The following KIF5C variants were observed in gnomAD, a reference collection of about 807,000 sequenced individuals.
KIF5C encodes kinesin heavy chain isoform 5C.
A neutral mutation model predicts 125.2 loss-of-function variants in KIF5C; 18 were observed. The observed-to-expected ratio is 0.14, with a 90% CI of 0.10 to 0.21. The LOEUF (loss-of-function observed/expected upper bound fraction) is 0.21, where lower values mean the gene tolerates loss of function less well. KIF5C is among the 10% of genes least tolerant of loss of function. The pLI is 1.00. For synonymous variants in KIF5C, 405 were observed against 434.0 expected (o/e 0.93, Z 0.83); for missense variants, 780 against 1,183.8 (o/e 0.66, Z 5.01).
chr2:148,887,865 C>G (rs1355029692), intron 1 of KIF5C, among the ~76,000 whole-genome samples: 1 of 151,960 alleles, frequency 6.6e-6, no homozygotes. Flanking sequence ...TTCTCCGTAG[C>G]TGCTTTACAT....
intron 4 of KIF5C, among the ~76,000 whole-genome samples, chr2:148,940,671 C>T (rs1287687934): frequency 6.6e-6 from 1 of 152,172 alleles, no homozygotes. Context: ...ATTTCAAAAG[C>T]ACTTATGAAC....
At chr2:148,916,794 T>C (rs1315712108) in intron 1 of KIF5C, among the ~76,000 whole-genome samples, 1 of 152,160 alleles carries the variant, frequency 6.6e-6, no homozygotes, top group African/African-American at 2.4e-5. Context: ...ATTGTTTCCT[T>C]GACGTTTGGA....
chr2:148,930,142 C>G (rs751794778), intron 3 of KIF5C, among the ~76,000 whole-genome samples: 4 of 152,174 alleles, frequency 2.6e-5, no homozygotes, highest in Non-Finnish European at 5.9e-5. Context: ...CCACTTCATG[C>G]ACACTGGGGT....
chr2:148,903,011 G>A (rs542063596), intron 1 of KIF5C, among the ~76,000 whole-genome samples: 1 of 152,206 alleles, frequency 6.6e-6, no homozygotes, highest in Non-Finnish European at 1.5e-5. Flanking sequence ...TGGGTTGAGA[G>A]GGATTGTAAG....
intron 6 of KIF5C, 52 bp downstream of exon 6, chr2:148,942,042 CATA>C (rs1682421993): frequency 6.3e-7 from 1 of 1,584,482 alleles, no homozygotes; most frequent in African/African-American, 1.3e-5. Flanking sequence ...CAGTCTCTGT[CATA>C]ATAATTATTA....
chr2:148,943,371 G>A (rs1207917373), intron 7 of KIF5C, among the ~76,000 whole-genome samples: 1 of 152,116 alleles, frequency 6.6e-6, no homozygotes, highest in Non-Finnish European at 1.5e-5. Flanking sequence ...TATGGGATTT[G>A]GGCAGCAGAG....
At chr2:148,958,290 C>T (rs1481200504) in intron 10 of KIF5C, among the ~76,000 whole-genome samples, 1 of 152,154 alleles carries the variant, frequency 6.6e-6, no homozygotes, top group African/African-American at 2.4e-5. Context: ...TAATAATTCA[C>T]ACTCTCTCCA....
At chr2:149,011,027 C>T (rs1182262431) in intron 24 of KIF5C, among the ~76,000 whole-genome samples, 1 of 149,954 alleles carries the variant, frequency 6.7e-6, no homozygotes, top group African/African-American at 2.5e-5. Context: ...TAAATTGAAA[C>T]ATCTCCAATA....
intron 4 of KIF5C, among the ~76,000 whole-genome samples, chr2:148,939,427 A>G (rs1361709885): frequency 1.3e-5 from 2 of 152,234 alleles, no homozygotes; most frequent in Non-Finnish European, 2.9e-5. Flanking sequence ...TTAGAAGCTT[A>G]GTGCTTCTTT....
intron 3 of KIF5C, among the ~76,000 whole-genome samples, chr2:148,937,059 A>G (rs1682306693): frequency 6.6e-6 from 1 of 152,214 alleles, no homozygotes. Flanking sequence ...AGAACTTGGC[A>G]GAACAAGTGC....
At chr2:148,972,199 C>T (rs147387283) in intron 11 of KIF5C, among the ~76,000 whole-genome samples, 2 of 152,266 alleles carry the variant, frequency 1.3e-5, no homozygotes, top group Non-Finnish European at 1.5e-5. Flanking sequence ...GTTATCTGCT[C>T]GTCTTGGCCT....
intron 3 of KIF5C, among the ~76,000 whole-genome samples, chr2:148,930,770 C>T (rs1682161979): frequency 6.6e-6 from 1 of 152,158 alleles, no homozygotes; most frequent in Non-Finnish European, 1.5e-5. Flanking sequence ...TTAAAGGAAG[C>T]ATGAGGTTTA....
chr2:148,913,084 A>AT (rs1681405243), intron 1 of KIF5C, among the ~76,000 whole-genome samples: 1 of 152,184 alleles, frequency 6.6e-6, no homozygotes, highest in Admixed American at 6.5e-5. Flanking sequence ...TTTGTGGAAC[A>AT]TTTTCCTTGT....
intron 3 of KIF5C, 152 bp from the exon 4 acceptor site, chr2:148,937,132 A>G (rs1035281244): frequency 1.9e-5 from 22 of 1,130,160 alleles, no homozygotes; most frequent in African/African-American, 1.9e-4. Context: ...TCTGTTGGCA[A>G]GTCAGGTAGA....
At chr2:148,952,191 T>C (rs1410164487) in intron 10 of KIF5C, among the ~76,000 whole-genome samples, 2 of 152,128 alleles carry the variant, frequency 1.3e-5, no homozygotes, top group African/African-American at 4.8e-5. Context: ...GTCTTAAACT[T>C]GAGCTTTAAC....
chr2:148,970,452 T>C (rs1397498020), intron 11 of KIF5C, among the ~76,000 whole-genome samples: 1 of 152,242 alleles, frequency 6.6e-6, no homozygotes, highest in East Asian at 1.9e-4. Flanking sequence ...GGCATTGTTA[T>C]TTCTTCTCCC....
intron 19 of KIF5C, among the ~76,000 whole-genome samples, chr2:148,999,436 C>T (rs570461841): frequency 2.9e-4 from 44 of 152,252 alleles, no homozygotes; most frequent in African/African-American, 9.6e-4. Flanking sequence ...GTGTGTGAGC[C>T]GCTCGAAAGG....
intron 23 of KIF5C, among the ~76,000 whole-genome samples, chr2:149,008,288 C>T (rs931792535): frequency 3.9e-5 from 6 of 152,298 alleles, no homozygotes; most frequent in East Asian, 1.9e-4. Context: ...CCAAATATAA[C>T]GCATAGGGTT....
At chr2:149,022,898 T>G (rs1395470930) in intron 25 of KIF5C, among the ~76,000 whole-genome samples, 180 bp from the exon 26 acceptor site, 1 of 152,194 alleles carries the variant, frequency 6.6e-6, no homozygotes, top group Non-Finnish European at 1.5e-5. Flanking sequence ...CACCCCAGCC[T>G]GGGTGACAAG....
Sources: allele counts gnomAD v4.1 joint callset (sites outside exome capture counted in the v4.1 genomes callset), GRCh38; gene constraint gnomAD v4.1.1; transcripts MANE v1.5; gene names NCBI Gene and HGNC (gene_info 2026-07-23, HGNC 2026-07-21).